Variants in APBA2 observed in about 807,000 individuals in gnomAD.
APBA2 encodes the protein amyloid beta precursor protein binding family A member 2.
In APBA2, 30 loss-of-function variants were observed where a neutral mutation model predicts 75.0. The observed-to-expected ratio is 0.40, with a 90% CI of 0.30 to 0.54. The LOEUF is 0.54. Among genes scored for constraint, APBA2 ranks in the 20% least tolerant of loss-of-function variants. The probability of loss-of-function intolerance (pLI) is 0.49; values close to 1 mark genes in which losing one functional copy is unlikely to be tolerated. For synonymous variants in APBA2, 444 were observed against 409.6 expected (o/e 1.08, Z -1.01); for missense variants, 801 against 1,016.1 (o/e 0.79, Z 2.88).
At chr15:29,028,665 A>G (rs1324905355) in intron 3 of APBA2, among the ~76,000 whole-genome samples, 1 of 152,154 alleles carries the variant, frequency 6.6e-6, no homozygotes, top group African/African-American at 2.4e-5. Context: ...CCTCGCCAGC[A>G]TTTGTTGTTT....
intron 2 of APBA2, among the ~76,000 whole-genome samples, chr15:28,984,982 G>A (rs1216185605): frequency 6.6e-6 from 1 of 152,028 alleles, no homozygotes; most frequent in East Asian, 1.9e-4. Context: ...GGAGGTTGGG[G>A]GAGCTGCCTG....
At chr15:29,029,066 TAA>T (rs2040361801) in intron 3 of APBA2, among the ~76,000 whole-genome samples, 1 of 152,220 alleles carries the variant, frequency 6.6e-6, no homozygotes, top group Non-Finnish European at 1.5e-5. Context: ...GGCGATTTCA[TAA>T]TGAAATCTTT....
intron 2 of APBA2, among the ~76,000 whole-genome samples, chr15:28,938,770 A>G (rs954071138): frequency 2.6e-5 from 4 of 152,190 alleles, no homozygotes; most frequent in African/African-American, 4.8e-5. Flanking sequence ...AGGCCTCCCA[A>G]AGTGCTGGAA....
intron 2 of APBA2, among the ~76,000 whole-genome samples, chr15:28,955,375 T>C (rs28678154): frequency 0.033 from 5,074 of 152,190 alleles, 299 homozygotes; most frequent in African/African-American, 0.12. Flanking sequence ...TGCAAAGAGC[T>C]AAGGGTCTTG....
intron 10 of APBA2, among the ~76,000 whole-genome samples, chr15:29,103,207 C>G (rs2152966094): frequency 6.6e-6 from 1 of 152,312 alleles, no homozygotes; most frequent in South Asian, 2.1e-4. Flanking sequence ...TTCCAAGGGG[C>G]ACTGAGAGCC....
chr15:29,103,085 C>T (rs540574409), intron 10 of APBA2, among the ~76,000 whole-genome samples: 1 of 152,360 alleles, frequency 6.6e-6, no homozygotes, highest in South Asian at 2.1e-4. Flanking sequence ...TTCTGTGTGA[C>T]TGAGGGCCGA....
chr15:29,014,146 A>G (rs1407220969), intron 3 of APBA2, among the ~76,000 whole-genome samples: 1 of 152,166 alleles, frequency 6.6e-6, no homozygotes, highest in Non-Finnish European at 1.5e-5. Context: ...TTTTCCCTGA[A>G]TCGATGCCTG....
intron 13 of APBA2, among the ~76,000 whole-genome samples, chr15:29,110,435 T>A (rs1309519367): frequency 1.3e-5 from 2 of 152,144 alleles, no homozygotes; most frequent in Admixed American, 6.5e-5. Flanking sequence ...CAGGTGGGCC[T>A]GGGTTGGTGG....
intron 6 of APBA2, among the ~76,000 whole-genome samples, chr15:29,083,146 GA>G: frequency 6.6e-6 from 1 of 152,092 alleles, no homozygotes; most frequent in South Asian, 2.1e-4. Flanking sequence ...TTAAATAATT[GA>G]TTTATCTGGA....
intron 3 of APBA2, among the ~76,000 whole-genome samples, chr15:29,045,638 A>G (rs1180255968): frequency 6.6e-6 from 1 of 152,198 alleles, no homozygotes. Context: ...TTAAAAGAGA[A>G]CAACATGGAT....
intron 4 of APBA2, among the ~76,000 whole-genome samples, chr15:29,064,073 T>C (rs2042269568): frequency 1.3e-5 from 2 of 152,124 alleles, no homozygotes; most frequent in African/African-American, 4.8e-5. Flanking sequence ...ATTTGGGAGA[T>C]GGGGCAACAG....
Position 29,114,402 on chromosome 15 carries a change from C to A in APBA2, c.2178+386C>A, listed in dbSNP as rs531602302. Among the ~76,000 whole-genome samples the A allele has an allele frequency of 3.9e-5, 6 of 152,208 alleles. No homozygotes were observed. The South Asian group carries it at 8.3e-4, about 21-fold the overall frequency. ...GCCCTGTCCCACTTCACTGGCTGAACCCCCCACAGTCCAGTTCTTTCTGGC... is the reference window on the plus strand; with the variant it reads ...GCCCTGTCCCACTTCACTGGCTGAAACCCCCACAGTCCAGTTCTTTCTGGC... On this transcript the variant is annotated intron_variant, in intron 14 of 14. Coordinates refer to ENST00000683413, the MANE Select transcript of APBA2 (RefSeq NM_001353788.2).
chr15:29,016,708 T>C (rs543741410), intron 3 of APBA2, among the ~76,000 whole-genome samples: 1 of 152,248 alleles, frequency 6.6e-6, no homozygotes, highest in South Asian at 2.1e-4. Flanking sequence ...ATGGCTGCTC[T>C]TTTTTTCTGT....
chr15:29,050,683 CTTATGTCCTAT>C (rs1408795635), intron 3 of APBA2, among the ~76,000 whole-genome samples: 2 of 152,018 alleles, frequency 1.3e-5, no homozygotes, highest in Non-Finnish European at 2.9e-5. Flanking sequence ...TATTTTAGTC[CTTATGTCCTAT>C]ATTGGCCTAG....
intron 1 of APBA2, among the ~76,000 whole-genome samples, chr15:28,899,356 G>GCTCTTGT (rs2032709062): frequency 6.6e-6 from 1 of 152,230 alleles, no homozygotes; most frequent in Admixed American, 6.5e-5. Context: ...TGCCCCCAGA[G>GCTCTTGT]CTCTTGTTCT....
intron 2 of APBA2, among the ~76,000 whole-genome samples, chr15:28,955,223 C>G (rs2036103424): frequency 6.6e-6 from 1 of 152,022 alleles, no homozygotes; most frequent in Admixed American, 6.6e-5. Context: ...GTTTCTTACT[C>G]TCATTAGAGG....
chr15:29,017,397 C>CTTTTTTTTTTTTTTTTT (rs56993296), intron 3 of APBA2, among the ~76,000 whole-genome samples: 37 of 102,090 alleles, frequency 3.6e-4, no homozygotes, highest in Non-Finnish European at 5.8e-4. Flanking sequence ...TTCTTTCTTT[C>CTTTTTTTTTTTTTTTTT]TTTTTTTTTT....
At chr15:28,915,226 C>CAT (rs2033630519) in intron 1 of APBA2, among the ~76,000 whole-genome samples, 30 of 50,102 alleles carry the variant, frequency 6.0e-4, no homozygotes, top group East Asian at 1.9e-3. Flanking sequence ...CACCACATAC[C>CAT]ACACATACCC....
intron 3 of APBA2, among the ~76,000 whole-genome samples, chr15:29,001,273 G>T (rs891523991): frequency 7.9e-5 from 12 of 152,022 alleles, no homozygotes; most frequent in African/African-American, 2.9e-4. Context: ...GAGTGCAGTG[G>T]CATGATCATA....
Sources: allele counts gnomAD v4.1 joint callset (sites outside exome capture counted in the v4.1 genomes callset), GRCh38; gene constraint gnomAD v4.1.1; transcripts MANE v1.5; gene names NCBI Gene and HGNC (gene_info 2026-07-23, HGNC 2026-07-21).